KIAA0513: variants seen among roughly 807,000 people sequenced by gnomAD.
The protein encoded by KIAA0513 is KIAA0513, also known as uncharacterized protein KIAA0513.
KIAA0513 carries 39 observed loss-of-function variants against 56.5 expected under a neutral mutation model. The ratio of observed to expected loss-of-function variants is 0.69; its 90% CI spans 0.53 to 0.90. The LOEUF is 0.90. Among genes scored for constraint, KIAA0513 ranks in the 40% least tolerant of loss-of-function variants. The pLI, the probability that KIAA0513 is intolerant of heterozygous loss-of-function variation, is 0.00. For synonymous variants in KIAA0513, 268 were observed against 215.6 expected (o/e 1.24, Z -2.13); for missense variants, 591 against 535.2 (o/e 1.10, Z -1.03).
At chr16:85,052,589 T>C (rs932480202) in intron 1 of KIAA0513, among the ~76,000 whole-genome samples, 4 of 152,212 alleles carry the variant, frequency 2.6e-5, no homozygotes, top group African/African-American at 7.2e-5. Context: ...GGTTTCAGGA[T>C]AGCAATGAGT....
intron 1 of KIAA0513, among the ~76,000 whole-genome samples, chr16:85,032,566 C>G (rs1344273500): frequency 1.3e-5 from 2 of 152,158 alleles, no homozygotes; most frequent in African/African-American, 2.4e-5. Flanking sequence ...TTCCTGACCT[C>G]AAGTGATCCT....
In KIAA0513 at chr16:85,038,162, A is replaced by G. The variant is rs555913925; in HGVS notation, c.-173+10304A>G. 8.4e-4 allele frequency among the ~76,000 whole-genome samples: 128 copies of G among 152,190 alleles called. 1 individual carries two copies. Among genetic ancestry groups the G allele is most frequent in the African/African-American group, 3.0e-3 (123 of 41,524 alleles). Reference sequence around the variant, plus strand: ...ACCTCTGTGCACCCCACTGGGCCACACTATGTCGCCGTAGATAGAATGGCC... The same window carrying G: ...ACCTCTGTGCACCCCACTGGGCCACGCTATGTCGCCGTAGATAGAATGGCC... On this transcript the variant is annotated intron_variant, in intron 1 of 12. Coordinates refer to ENST00000683363, the MANE Select transcript of KIAA0513 (RefSeq NM_001388359.1).
At chr16:85,046,487 G>C (rs959650266) in intron 1 of KIAA0513, among the ~76,000 whole-genome samples, 1 of 152,158 alleles carries the variant, frequency 6.6e-6, no homozygotes, top group African/African-American at 2.4e-5. Flanking sequence ...CTCTGCCTTC[G>C]TCATTTCTAG....
In KIAA0513 at chr16:85,081,947, C is replaced by T. The variant is rs1305520468; in HGVS notation, c.980+555C>T. ...CCGATGCCATAGCAAGCAAAGCTGC[C>T]GTCCACCATGTGCAGCGACATGACA... On this transcript the variant is annotated intron_variant, in intron 9 of 12. Transcript: ENST00000683363. The surrounding 1 kb of genome is among the most constrained non-coding windows in gnomAD (Gnocchi z 4.4). Among the ~76,000 whole-genome samples the T allele has an allele frequency of 3.3e-5, 5 of 152,222 alleles. No individual in the cohort carries two copies. The highest frequency in any genetic ancestry group is 7.3e-5 in the Non-Finnish European group (5 of 68,038).
chr16:85,055,911 A>G (rs561132094), intron 1 of KIAA0513, among the ~76,000 whole-genome samples: 2 of 152,258 alleles, frequency 1.3e-5, no homozygotes, highest in South Asian at 4.2e-4. Flanking sequence ...CTCAAACTCT[A>G]AGCTGGTGCT....
intron 1 of KIAA0513, among the ~76,000 whole-genome samples, chr16:85,049,654 CCTT>C (rs1469892077): frequency 3.2e-4 from 48 of 152,212 alleles, no homozygotes; most frequent in Admixed American, 3.0e-3. Flanking sequence ...TCCCTCTTAA[CCTT>C]CTGCTGTGTT....
Position 85,077,601 on chromosome 16 carries a change from A to G in KIAA0513, c.751A>G (p.Lys251Glu). ...VKGFFGGLET[K>E]LKGPLARRNE... ...GGGCTTCTTCGGGGGGCTGGAGACC[A>G]AGCTGAAGGGGCCCCTGGCCAGGAG... The change falls in exon 6 of 13, where the codon AAG becomes GAG. Residue 251 changes from lysine to glutamate, a missense_variant. Coordinates refer to ENST00000683363, the MANE Select transcript of KIAA0513 (RefSeq NM_001388359.1). 2 of 1,613,554 alleles carry G rather than the reference A, an allele frequency of 1.2e-6. No homozygotes were observed. Among genetic ancestry groups the G allele is most frequent in the Non-Finnish European group, 1.7e-6 (2 of 1,179,700 alleles).
chr16:85,034,059 G>C (rs1022216131), intron 1 of KIAA0513, among the ~76,000 whole-genome samples: 3 of 152,110 alleles, frequency 2.0e-5, no homozygotes, highest in Non-Finnish European at 4.4e-5. Flanking sequence ...CACATCTGTT[G>C]GGACAGATGA....
At chr16:85,030,143 A>G (rs2072943092) in intron 1 of KIAA0513, among the ~76,000 whole-genome samples, 2 of 152,148 alleles carry the variant, frequency 1.3e-5, no homozygotes, top group Admixed American at 6.5e-5. Context: ...GCCCGCCCCA[A>G]GCTTGAGGTA....
rs1269339255 is a variant in KIAA0513 at position 85,076,085 on chromosome 16, A to G, written c.574+171A>G. ...CTTCGGAGAAAACACAGTCCGAATC[A>G]TGGGGCAGGAGGTTGACTGCCCAGG... is the stretch of plus-strand genomic sequence containing the variant. On this transcript the variant is annotated intron_variant, in intron 5 of 12. Transcript: ENST00000683363. The surrounding 1 kb of genome is among the most constrained non-coding windows in gnomAD (Gnocchi z 4.7). 6.6e-6 allele frequency among the ~76,000 whole-genome samples: 1 copy of G among 152,174 alleles called. No homozygotes were observed. The highest frequency in any genetic ancestry group is 1.5e-5 in the Non-Finnish European group (1 of 68,026).
chr16:85,060,557 G>C (rs963577281), intron 1 of KIAA0513, among the ~76,000 whole-genome samples: 6 of 152,202 alleles, frequency 3.9e-5, no homozygotes, highest in African/African-American at 1.4e-4. Context: ...ATGAAGGTCA[G>C]GCCAGGCACG....
At chr16:85,077,039 G>A (rs555710356) in intron 5 of KIAA0513, among the ~76,000 whole-genome samples, 3 of 152,118 alleles carry the variant, frequency 2.0e-5, no homozygotes, top group Admixed American at 6.5e-5. Flanking sequence ...CCCCCAACCC[G>A]GTGTCTCCAC....
intron 1 of KIAA0513, among the ~76,000 whole-genome samples, chr16:85,062,349 G>A (rs1481217549): frequency 1.3e-5 from 2 of 152,126 alleles, no homozygotes; most frequent in African/African-American, 2.4e-5. Context: ...ATCTCATAAG[G>A]GCTTTGGAAG....
rs1277507525 is a variant in KIAA0513, at chr16:85,079,009, G to T, written c.902+6G>T. 2 of 1,614,148 alleles carry T rather than the reference G, an allele frequency of 1.2e-6. No homozygotes were observed. The highest frequency in any genetic ancestry group is 1.7e-6 in the Non-Finnish European group (2 of 1,180,016). The stretch of plus-strand genomic sequence containing the variant: ...CTGAAGCAACAGCCCATCTGGTAAG[G>T]CCGAGCCCGCGGCTTCCCGTCACCC... On this transcript the variant is annotated splice_donor_region_variant and intron_variant, in intron 8 of 12. Coordinates refer to ENST00000683363, the MANE Select transcript of KIAA0513 (RefSeq NM_001388359.1).
chr16:85,075,559 C>G (rs2073643910), intron 4 of KIAA0513, among the ~76,000 whole-genome samples: 2 of 152,326 alleles, frequency 1.3e-5, no homozygotes, highest in Admixed American at 6.5e-5. Context: ...CATCCTGGCT[C>G]TGCTCCTGGG....
In KIAA0513 at chr16:85,093,820, A is replaced by G. The variant is rs1324516783; in HGVS notation, c.*5495A>G. 6.6e-6 allele frequency: 1 copy of G among 152,292 alleles called. No homozygotes were observed. Among genetic ancestry groups the G allele is most frequent in the Non-Finnish European group, 1.5e-5 (1 of 68,096 alleles). 9.4% of individuals were successfully genotyped at this position (152,292 alleles called of 1,614,324 possible). A position where few individuals can be genotyped will look rare whatever the true frequency, so the allele number is the denominator to read the frequency against. On this transcript the variant is annotated 3_prime_UTR_variant, in exon 13 of 13. Coordinates refer to ENST00000683363, the MANE Select transcript of KIAA0513 (RefSeq NM_001388359.1). ...ACACTAGGAAAAGCTAGAAATTCAG[A>G]CAACACACATGGATCCCCTTAAAAC...
chr16:85,037,089 T>G (rs2143849194), intron 1 of KIAA0513, among the ~76,000 whole-genome samples: 1 of 152,194 alleles, frequency 6.6e-6, no homozygotes, highest in Admixed American at 6.5e-5. Flanking sequence ...AGAAGGGGAT[T>G]ATTTTTTTCT....
chr16:85,091,764 CG>C lies in KIAA0513; in HGVS notation c.*3440del, dbSNP rs1206830113. On this transcript the variant is annotated 3_prime_UTR_variant, in exon 13 of 13. Coordinates refer to ENST00000683363, the MANE Select transcript of KIAA0513 (RefSeq NM_001388359.1). ...ATTCGCTTTTCCCTAGGCTGTTCCGCGTGGGTTACCTTATCACCCTGGAGCA... is the reference window on the plus strand; with the variant it reads ...ATTCGCTTTTCCCTAGGCTGTTCCGCTGGGTTACCTTATCACCCTGGAGCA... 1 of 152,128 alleles carries C rather than the reference CG, an allele frequency of 6.6e-6. No homozygotes were observed. The highest frequency in any genetic ancestry group is 2.4e-5 in the African/African-American group (1 of 41,404). 9.4% of individuals were successfully genotyped at this position (152,128 alleles called of 1,614,324 possible).
rs1004433197 is a variant in KIAA0513, at chr16:85,081,465, A to T, written c.980+73A>T. On this transcript the variant is annotated intron_variant, in intron 9 of 12. Coordinates refer to ENST00000683363, the MANE Select transcript of KIAA0513 (RefSeq NM_001388359.1). This position sits in a 1 kb window ranked among gnomAD's most constrained non-coding sequence, Gnocchi z 4.4. ...GAGTGGCTTTATTTCCCGGTTTCGG[A>T]AGAGGAGAGCAGAAGAGCAGCTGAG... 21 of 1,329,396 alleles carry T rather than the reference A, an allele frequency of 1.6e-5. No individual in the cohort carries two copies. The Admixed American group carries it at 2.4e-4, about 15-fold the overall frequency. The allele number at this position is 1,329,396 out of a possible 1,614,324, so 82.4% of individuals were successfully genotyped here.
Sources: allele counts gnomAD v4.1 joint callset (sites outside exome capture counted in the v4.1 genomes callset), GRCh38; gene constraint gnomAD v4.1.1; non-coding constraint Gnocchi (gnomAD v3.1); transcripts MANE v1.5; gene names NCBI Gene and HGNC (gene_info 2026-07-23, HGNC 2026-07-21).